CEP290: variants seen among roughly 807,000 people sequenced by gnomAD.
The protein encoded by CEP290 is centrosomal protein of 290 kDa.
Under a neutral mutation model 344.9 loss-of-function variants are expected in CEP290, and 317 were observed. That is an observed-to-expected ratio of 0.92 (90% CI 0.84 to 1.01). CEP290 has a LOEUF of 1.01. Ranked by LOEUF, CEP290 falls within the 50% of genes least tolerant of loss-of-function variation. The pLI, the probability that CEP290 is intolerant of heterozygous loss-of-function variation, is 0.00. For missense variants in CEP290, 2,754 were observed against 2,761.4 expected (o/e 1.00, Z 0.06); for synonymous variants, 932 against 895.8 (o/e 1.04, Z -0.72).
intron 32 of CEP290, 40 bp downstream of exon 32, chr12:88,087,740 A>C: frequency 1.2e-6 from 1 of 837,582 alleles, no homozygotes; most frequent in East Asian, 3.7e-5. Flanking sequence ...AAAAAAAAAA[A>C]AAACTTAGGG....
Position 88,086,438 on chromosome 12 carries a change from C to T in CEP290, c.4255G>A (p.Asp1419Asn). The change falls in exon 33 of 54, where the codon GAC (aspartate) becomes AAC (asparagine). Residue 1419 changes from aspartate to asparagine, a missense_variant. Physicochemically the swap from Asp to Asn is conservative, Grantham distance 23 (BLOSUM62 1). Transcript: ENST00000552810. Reference protein sequence around the residue: ...QREVDLERQLDIFDRQQNEIL... With the variant: ...QREVDLERQLNIFDRQQNEIL... ...TCATTTTGCTGACGGTCAAAAATGT[C>T]TAGTTGGCGTTCCAGGTCAACTTCT... 3 of 1,600,206 alleles carry T rather than the reference C, an allele frequency of 1.9e-6. No homozygotes were observed. Among genetic ancestry groups the T allele is most frequent in the Non-Finnish European group, 2.6e-6 (3 of 1,172,034 alleles).
rs1348206736 is a variant in CEP290, at chr12:88,117,135, A to C, written c.1722T>G (p.Thr574=). The part of the protein sequence containing the change: ...GKRSATSGLT[T]EDLNLTENIS... ...TGTTTTCAGTTAGGTTCAGGTCCTC[A>C]GTGGTTAATCCTATATATAAGAGAA... The change falls in exon 18 of 54, where the codon ACT becomes ACG. Residue 574 remains threonine (T), a synonymous_variant. Transcript: ENST00000552810. 6.6e-7 allele frequency: 1 copy of C among 1,518,782 alleles called. No homozygotes were observed. Among genetic ancestry groups the C allele is most frequent in the South Asian group, 1.2e-5 (1 of 83,550 alleles). 94.1% of individuals were successfully genotyped at this position (1,518,782 alleles called of 1,614,324 possible).
intron 52 of CEP290, among the ~76,000 whole-genome samples, chr12:88,052,209 C>T (rs2033609938): frequency 6.6e-6 from 1 of 152,136 alleles, no homozygotes; most frequent in Non-Finnish European, 1.5e-5. Context: ...AAAGATAGTT[C>T]AGATATAAAT....
intron 22 of CEP290, among the ~76,000 whole-genome samples, chr12:88,109,764 A>G (rs2038545721): frequency 6.6e-6 from 1 of 152,084 alleles, no homozygotes; most frequent in Non-Finnish European, 1.5e-5. Context: ...GCCACTTTGG[A>G]CAGCTTTTCA....
Position 88,092,666 on chromosome 12 carries a change from C to G in CEP290, c.3461+15G>C. The stretch of plus-strand genomic sequence containing the variant: ...TACATCTAGTCAAATGGCTAAAATG[C>G]TTATATGCACTTACTTTGACACTTC... On this transcript the variant is annotated intron_variant, in intron 29 of 53. Transcript: ENST00000552810. 3 of 1,594,666 alleles carry G rather than the reference C, an allele frequency of 1.9e-6. No individual in the cohort carries two copies.
At chr12:88,093,726 ATTCT>A in intron 28 of CEP290, 40 bp downstream of exon 28, 2 of 1,427,002 alleles carry the variant, frequency 1.4e-6, no homozygotes, top group Non-Finnish European at 1.9e-6. Context: ...ACCAAAACTA[ATTCT>A]TTATTCTATA....
chr12:88,125,352 G>T lies in CEP290; in HGVS notation c.1083C>A (p.Asp361Glu), dbSNP rs2039666201. Reference protein sequence around the residue: ...MALQQGIQERDSQIKMLTEQV... With the variant: ...MALQQGIQERESQIKMLTEQV... ...GTTCGGTGAGCATCTTAATTTGACT[G>T]TCTCGTTCCTGTATACCCTATAAAA... The change falls in exon 13 of 54, where the codon GAC becomes GAA. Residue 361 changes from aspartate (D) to glutamate (E), a missense_variant. By Grantham distance (45) the Asp-to-Glu change is conservative (BLOSUM62 2). Coordinates refer to ENST00000552810, the MANE Select transcript of CEP290 (RefSeq NM_025114.4). 2 of 1,313,938 alleles carry T rather than the reference G, an allele frequency of 1.5e-6. No homozygotes were observed. Among genetic ancestry groups the T allele is most frequent in the Admixed American group, 3.1e-5 (1 of 32,322 alleles). The allele number at this position is 1,313,938 out of a possible 1,614,324, so 81.4% of individuals were successfully genotyped here.
intron 17 of CEP290, 118 bp downstream of exon 17, chr12:88,118,365 T>G: frequency 1.3e-6 from 1 of 767,790 alleles, no homozygotes. Context: ...TGTCATTTAT[T>G]AAATTTGTAG....
Position 88,111,737 on chromosome 12 carries a change from T to A in CEP290, c.2174A>T (p.Glu725Val). Residue 725 changes from glutamate (E) to valine (V), a missense_variant, in exon 21 of 54, where the codon GAG (glutamate) becomes GTG (valine). Coordinates refer to ENST00000552810, the MANE Select transcript of CEP290 (RefSeq NM_025114.4). ...CAACTGCTGTGAATAATTTATAGCC[T>A]CTTTCCGAGATTCCCTGAGCTCCTG... ...LRQELRESRK[E>V]AINYSQQLAK... 2 of 1,603,130 alleles carry A rather than the reference T, an allele frequency of 1.2e-6. No homozygotes were observed. The highest frequency in any genetic ancestry group is 1.7e-4 in the Middle Eastern group (1 of 6,036).
Position 88,111,290 on chromosome 12 carries a change from A to C in CEP290, c.2279T>G (p.Phe760Cys), listed in dbSNP as rs1488946278. The C allele has an allele frequency of 6.4e-7, 1 of 1,559,900 alleles. No individual in the cohort carries two copies. Among genetic ancestry groups the C allele is most frequent in the Non-Finnish European group, 8.7e-7 (1 of 1,151,778 alleles). ...LRQSEGSNVVFKGIDLPDGIA... is the reference protein window; with the variant it reads ...LRQSEGSNVVCKGIDLPDGIA... ...CCCATCAGGTAAGTCAATTCCTTTA[A>C]AAACAACATTTGATCCTTCTGATTG... Residue 760 changes from phenylalanine to cysteine, a missense_variant, in exon 22 of 54, where the codon TTT (phenylalanine) becomes TGT (cysteine). Phe to Cys is a radical substitution (Grantham distance 205). Coordinates refer to ENST00000552810, the MANE Select transcript of CEP290 (RefSeq NM_025114.4).
chr12:88,114,743 C>T (rs2038936490), intron 19 of CEP290, among the ~76,000 whole-genome samples, 181 bp from the exon 20 acceptor site: 2 of 152,044 alleles, frequency 1.3e-5, no homozygotes, highest in Non-Finnish European at 2.9e-5. Context: ...AATGACAGAC[C>T]TATTTATATC....
intron 6 of CEP290, among the ~76,000 whole-genome samples, chr12:88,135,186 C>T (rs984719930): frequency 4.6e-5 from 7 of 152,130 alleles, no homozygotes; most frequent in Middle Eastern, 3.2e-3. Flanking sequence ...GACTGGTTAA[C>T]GGCAAAGAAG....
chr12:88,139,429 TAC>T, intron 4 of CEP290, 64 bp downstream of exon 4: 1 of 1,031,820 alleles, frequency 9.7e-7, no homozygotes, highest in Non-Finnish European at 1.4e-6. Context: ...TTTAATTTTC[TAC>T]AGTTTAATGA....
intron 33 of CEP290, 83 bp from the exon 34 acceptor site, chr12:88,086,256 A>T: frequency 6.5e-7 from 1 of 1,531,164 alleles, no homozygotes; most frequent in Middle Eastern, 2.0e-4. Flanking sequence ...ATGATAAAAC[A>T]TAGATTAAAC....
rs936219639 is a variant in CEP290, at chr12:88,107,009, A to G, written c.2573T>C (p.Val858Ala). ...EDQVQQDAIK[V>A]KEYNNLLNAL... ...TGTTTTACTTACATTATATTCTTTT[A>G]CTTTTATAGCATCTTGTTGGACTTG... is the stretch of plus-strand genomic sequence containing the variant. Residue 858 changes from valine to alanine, a missense_variant, in exon 24 of 54, where the codon GTA becomes GCA. By Grantham distance (64) the Val-to-Ala change is moderately conservative (BLOSUM62 0). Transcript: ENST00000552810. The G allele has an allele frequency of 1.3e-6, 2 of 1,545,944 alleles. No homozygotes were observed. Among genetic ancestry groups the G allele is most frequent in the Admixed American group, 4.1e-5 (2 of 49,066 alleles).
chr12:88,086,133 G>A lies in CEP290; in HGVS notation c.4343C>T (p.Pro1448Leu), dbSNP rs757356455. The A allele has an allele frequency of 2.0e-5, 32 of 1,612,770 alleles. No individual in the cohort carries two copies. Among genetic ancestry groups the A allele is most frequent in the Non-Finnish European group, 2.3e-5 (27 of 1,179,564 alleles). ...ATGSIPDPSL[P>L]LPNQLEIALR... is the part of the protein sequence containing the mutation. The stretch of plus-strand genomic sequence containing the variant: ...AGCGATCTCAAGTTGATTTGGAAGG[G>A]GCAAACTAGGGTCAGGGATTGATCC... Residue 1448 changes from proline to leucine, a missense_variant, in exon 34 of 54, where the codon CCC becomes CTC. Transcript: ENST00000552810.
chr12:88,049,151 A>G lies in CEP290; in HGVS notation c.*33T>C, dbSNP rs1565774801. The G allele has an allele frequency of 7.9e-7, 1 of 1,271,704 alleles. No homozygotes were observed. The highest frequency in any genetic ancestry group is 1.4e-5 in the South Asian group (1 of 73,228). 78.8% of individuals were successfully genotyped at this position (1,271,704 alleles called of 1,614,324 possible). ...TATATTTAACTTATAAAGTTAATAAATAGTTAAATGAAACAAAGTTTATAG... is the reference window on the plus strand; with the variant it reads ...TATATTTAACTTATAAAGTTAATAAGTAGTTAAATGAAACAAAGTTTATAG... On this transcript the variant is annotated 3_prime_UTR_variant, in exon 54 of 54. Transcript: ENST00000552810.
chr12:88,097,187 A>G (rs900135208), intron 26 of CEP290, among the ~76,000 whole-genome samples, 188 bp from the exon 27 acceptor site: 2 of 152,142 alleles, frequency 1.3e-5, no homozygotes, highest in Non-Finnish European at 2.9e-5. Flanking sequence ...TAATACTTGT[A>G]TACATATACA....
chr12:88,082,767 G>T (rs1199079983), intron 37 of CEP290, among the ~76,000 whole-genome samples: 1 of 152,160 alleles, frequency 6.6e-6, no homozygotes, highest in Admixed American at 6.5e-5. Flanking sequence ...AAAAGAATTT[G>T]TATTGGCTTT....
Sources: allele counts gnomAD v4.1 joint callset (sites outside exome capture counted in the v4.1 genomes callset), GRCh38; gene constraint gnomAD v4.1.1; transcripts MANE v1.5; gene names NCBI Gene and HGNC (gene_info 2026-07-23, HGNC 2026-07-21).